The following C5 variants were observed in gnomAD, a reference collection of about 807,000 sequenced individuals.
C5 encodes the protein C3 and PZP-like alpha-2-macroglobulin domain-containing protein 4.
C5 carries 140 observed loss-of-function variants against 218.8 expected under a neutral mutation model. That is an observed-to-expected ratio of 0.64 (90% CI 0.56 to 0.74). The LOEUF (loss-of-function observed/expected upper bound fraction) is 0.74, where lower values mean the gene tolerates loss of function less well. Ranked by LOEUF, C5 falls within the 30% of genes least tolerant of loss-of-function variation. The probability of loss-of-function intolerance (pLI) is 0.00; values close to 1 mark genes in which losing one functional copy is unlikely to be tolerated. For synonymous variants in C5, 614 were observed against 682.3 expected (o/e 0.90, Z 1.56); for missense variants, 1,700 against 1,969.6 (o/e 0.86, Z 2.59).
In C5 at chr9:121,021,595, G is replaced by T; in HGVS notation, c.1216C>A (p.Pro406Thr). ...TCAACACGTGTTACACTTTTGCTTG[G>T]ATCCAAGTCAGATGTCTCTTGGTTT... ...DVNQETSDLD[P>T]SKSVTRVDDG... Residue 406 changes from proline to threonine, a missense_variant, in exon 11 of 41, where the codon CCA becomes ACA. Transcript: ENST00000223642. The T allele has an allele frequency of 6.2e-7, 1 of 1,613,722 alleles. No individual in the cohort carries two copies. The highest frequency in any genetic ancestry group is 8.5e-7 in the Non-Finnish European group (1 of 1,179,690).
At chr9:121,061,150 T>C in the C5 span, among the ~76,000 whole-genome samples, 8 of 152,132 alleles carry the variant, frequency 5.3e-5, no homozygotes, top group Non-Finnish European at 1.2e-4. Flanking sequence ...ATCGTGCCAC[T>C]GCACTCCAGC....
intron 22 of C5, among the ~76,000 whole-genome samples, chr9:120,995,833 T>G (rs1262774684): frequency 6.6e-6 from 1 of 151,364 alleles, no homozygotes. Context: ...TTTTTTTTTT[T>G]TTTTTGACAC....
chr9:120,971,504 T>C (rs2046913245), intron 31 of C5, among the ~76,000 whole-genome samples: 1 of 152,178 alleles, frequency 6.6e-6, no homozygotes, highest in African/African-American at 2.4e-5. Flanking sequence ...AGTTGTGCCA[T>C]CTCGGCTCAC....
chr9:121,069,394 C>T, the C5 span, among the ~76,000 whole-genome samples: 6 of 152,076 alleles, frequency 3.9e-5, no homozygotes, highest in African/African-American at 4.8e-5. Context: ...AAAATGCTCA[C>T]CATCATCAAT....
intron 11 of C5, among the ~76,000 whole-genome samples, chr9:121,021,123 G>T (rs1242165466): frequency 6.6e-6 from 1 of 152,124 alleles, no homozygotes; most frequent in Non-Finnish European, 1.5e-5. Flanking sequence ...AATGGTTTCT[G>T]TAGTTAGAAA....
intron 8 of C5, 47 bp from the exon 9 acceptor site, chr9:121,025,627 T>C: frequency 6.3e-7 from 1 of 1,577,852 alleles, no homozygotes; most frequent in Non-Finnish European, 8.7e-7. Flanking sequence ...GAAGAACTTA[T>C]AAGGAAAAAT....
At chr9:121,019,728 CT>C (rs2047346566) in intron 12 of C5, among the ~76,000 whole-genome samples, 1 of 152,214 alleles carries the variant, frequency 6.6e-6, no homozygotes, top group Non-Finnish European at 1.5e-5. Flanking sequence ...AAATTTTCCT[CT>C]TCCCAGCTGA....
chr9:121,032,527 T>C (rs1241643384), intron 5 of C5, among the ~76,000 whole-genome samples: 1 of 152,204 alleles, frequency 6.6e-6, no homozygotes, highest in East Asian at 1.9e-4. Context: ...GCTAACATAA[T>C]ACTAAAATCC....
chr9:121,066,737 C>T, the C5 span, among the ~76,000 whole-genome samples: 1 of 151,558 alleles, frequency 6.6e-6, no homozygotes, highest in East Asian at 1.9e-4. Context: ...GTAATCCCAG[C>T]TACTCAGGAG....
At chr9:121,008,621 G>T in intron 17 of C5, 123 bp from the exon 18 acceptor site, 1 of 751,938 alleles carries the variant, frequency 1.3e-6, no homozygotes, top group Non-Finnish European at 2.3e-6. Flanking sequence ...AAAACATTTT[G>T]TTTAATGCTT....
chr9:120,978,995 G>T (rs1327222653), intron 28 of C5, among the ~76,000 whole-genome samples: 1 of 152,156 alleles, frequency 6.6e-6, no homozygotes, highest in African/African-American at 2.4e-5. Flanking sequence ...CTAGATTTCA[G>T]CCTCGATTCA....
chr9:121,001,784 T>C (rs1328814117), intron 20 of C5, among the ~76,000 whole-genome samples: 3 of 152,192 alleles, frequency 2.0e-5, no homozygotes, highest in Admixed American at 2.0e-4. Context: ...GGAATCCTTT[T>C]GGAAGATAAT....
chr9:120,996,200 G>T, intron 22 of C5, 40 bp downstream of exon 22: 1 of 1,435,688 alleles, frequency 7.0e-7, no homozygotes, highest in Non-Finnish European at 9.8e-7. Context: ...AACTTCTAAA[G>T]CAAAAGATAA....
chr9:120,993,011 T>C (rs2047088146), intron 22 of C5, among the ~76,000 whole-genome samples: 1 of 152,086 alleles, frequency 6.6e-6, no homozygotes, highest in Admixed American at 6.5e-5. Context: ...AAGATATGAA[T>C]AGGCAATTGA....
chr9:120,989,809 A>G, intron 23 of C5, 29 bp from the exon 24 acceptor site: 2 of 1,525,536 alleles, frequency 1.3e-6, no homozygotes, highest in Non-Finnish European at 1.8e-6. Context: ...AAGTAGACAC[A>G]TTGCTTTTTA....
the C5 span, among the ~76,000 whole-genome samples, chr9:121,060,105 C>G: frequency 6.6e-6 from 1 of 152,212 alleles, no homozygotes; most frequent in African/African-American, 2.4e-5. Context: ...TTCATCAAAG[C>G]TCCTTACATT....
At position 120,963,676 on chromosome 9, in the gene C5, AAGG is replaced by A. The variant is rs2046844821; in HGVS notation, c.4280_4282del (p.Ser1427del). 3 of 1,614,010 alleles carry A rather than the reference AAGG, an allele frequency of 1.9e-6. No homozygotes were observed. The highest frequency in any genetic ancestry group is 2.5e-6 in the Non-Finnish European group (3 of 1,179,880). ...TTCATTTGCACTGATTCCAGTAGGC[AAGG>A]AGATGTCCATCACCGCATGAGAGGA... On this transcript the variant is annotated inframe_deletion, in exon 34 of 41. Coordinates refer to ENST00000223642, the MANE Select transcript of C5 (RefSeq NM_001735.3).
chr9:121,060,016 C>T, the C5 span, among the ~76,000 whole-genome samples: 2 of 152,172 alleles, frequency 1.3e-5, no homozygotes, highest in Admixed American at 6.5e-5. Flanking sequence ...TGTTATCTTA[C>T]GTCATTAAGT....
intron 10 of C5, 71 bp downstream of exon 10, chr9:121,023,333 C>A: frequency 1.0e-6 from 1 of 970,162 alleles, no homozygotes; most frequent in South Asian, 1.3e-5. Flanking sequence ...CCCTGTTTGC[C>A]ACCCACATGT....
Sources: allele counts gnomAD v4.1 joint callset (sites outside exome capture counted in the v4.1 genomes callset), GRCh38; gene constraint gnomAD v4.1.1; transcripts MANE v1.5; gene names NCBI Gene and HGNC (gene_info 2026-07-23, HGNC 2026-07-21).